Variants in C3orf70 observed in about 807,000 individuals in gnomAD.
C3orf70 encodes the protein UPF0524 protein C3orf70.
A neutral mutation model predicts 20.7 loss-of-function variants in C3orf70; 15 were observed. That is an observed-to-expected ratio of 0.72 (90% CI 0.48 to 1.11). C3orf70 has a LOEUF of 1.11. Among genes scored for constraint, C3orf70 ranks in the 50% most tolerant of loss-of-function variants. C3orf70 has a pLI of 0.00. For synonymous variants in C3orf70, 161 were observed against 125.7 expected (o/e 1.28, Z -1.88); for missense variants, 332 against 317.6 (o/e 1.05, Z -0.34).
intron 1 of C3orf70, among the ~76,000 whole-genome samples, chr3:185,127,569 A>G (rs187886462): frequency 6.6e-6 from 1 of 152,208 alleles, no homozygotes; most frequent in African/African-American, 2.4e-5. Context: ...CCTCCTAAGT[A>G]GCTGGGATTA....
chr3:185,115,998 C>A (rs2108597411), intron 1 of C3orf70, among the ~76,000 whole-genome samples: 1 of 152,266 alleles, frequency 6.6e-6, no homozygotes, highest in African/African-American at 2.4e-5. Context: ...GGTGGGGGAC[C>A]AAACATTCAG....
chr3:185,145,938 A>G (rs899103051), intron 1 of C3orf70, among the ~76,000 whole-genome samples: 2 of 152,064 alleles, frequency 1.3e-5, no homozygotes, highest in African/African-American at 2.4e-5. Flanking sequence ...AGCGTTCTCT[A>G]TCTCTGGAAG....
intron 1 of C3orf70, among the ~76,000 whole-genome samples, chr3:185,146,630 C>T (rs981870160): frequency 1.3e-5 from 2 of 152,160 alleles, no homozygotes; most frequent in African/African-American, 4.8e-5. Flanking sequence ...ACTTTTCCAA[C>T]CAAACTACCA....
chr3:185,151,475 A>G (rs1377524713), intron 1 of C3orf70, among the ~76,000 whole-genome samples: 2 of 152,230 alleles, frequency 1.3e-5, no homozygotes, highest in Non-Finnish European at 2.9e-5. Flanking sequence ...CAACAGGAAT[A>G]ATGAGAAATA....
intron 1 of C3orf70, among the ~76,000 whole-genome samples, chr3:185,105,805 A>C (rs1407873585): frequency 1.3e-5 from 2 of 152,058 alleles, no homozygotes; most frequent in Non-Finnish European, 2.9e-5. Flanking sequence ...ACACCAGAGT[A>C]CTCTTAAAGC....
intron 1 of C3orf70, among the ~76,000 whole-genome samples, chr3:185,119,512 G>C (rs1301684016): frequency 6.6e-6 from 1 of 151,696 alleles, no homozygotes; most frequent in South Asian, 2.1e-4. Context: ...TTTTAACAGA[G>C]CTTAAAGTTA....
chr3:185,117,052 A>G (rs1048871742), intron 1 of C3orf70, among the ~76,000 whole-genome samples: 1 of 152,160 alleles, frequency 6.6e-6, no homozygotes, highest in Non-Finnish European at 1.5e-5. Flanking sequence ...AAGTGCTGGG[A>G]TTACAGGCGT....
chr3:185,146,391 G>A (rs9834241), intron 1 of C3orf70, among the ~76,000 whole-genome samples: 70,697 of 148,130 alleles, frequency 0.48, 17,205 homozygotes, highest in Non-Finnish European at 0.56. Flanking sequence ...GAGTTCAAGC[G>A]ATTCTCCTGC....
chr3:185,144,331 C>T (rs534190628), intron 1 of C3orf70, among the ~76,000 whole-genome samples: 22 of 152,154 alleles, frequency 1.4e-4, no homozygotes, highest in Non-Finnish European at 3.1e-4. Flanking sequence ...CATTCAAACA[C>T]GAAGTCTGAC....
At chr3:185,089,096 A>G (rs750511864) in intron 1 of C3orf70, among the ~76,000 whole-genome samples, 34 of 152,180 alleles carry the variant, frequency 2.2e-4, no homozygotes, top group Non-Finnish European at 4.4e-4. Context: ...GATGCCCACG[A>G]AAGAACACCT....
chr3:185,138,614 T>C (rs950288627), intron 1 of C3orf70, among the ~76,000 whole-genome samples: 4 of 152,142 alleles, frequency 2.6e-5, no homozygotes, highest in Non-Finnish European at 5.9e-5. Flanking sequence ...ATCAATATAA[T>C]CTACCACATG....
Position 185,152,697 on chromosome 3 carries a change from T to G in C3orf70, c.127A>C (p.Ile43Leu). The change falls in exon 1 of 2, where the codon ATC (isoleucine) becomes CTC (leucine). Residue 43 changes from isoleucine (I) to leucine (L), a missense_variant. Ile to Leu is a conservative substitution (Grantham distance 5). Coordinates refer to ENST00000335012, the MANE Select transcript of C3orf70 (RefSeq NM_001025266.3). Reference protein sequence around the residue: ...PDFQPCDGLSICATHSHGKCF... With the variant: ...PDFQPCDGLSLCATHSHGKCF... The stretch of plus-strand genomic sequence containing the variant: ...TTGCCATGGCTGTGCGTGGCACAGA[T>G]AGACAGCCCGTCGCACGGCTGGAAG... The G allele has an allele frequency of 1.9e-6, 3 of 1,594,436 alleles. No individual in the cohort carries two copies. Among genetic ancestry groups the G allele is most frequent in the African/African-American group, 1.4e-5 (1 of 72,964 alleles).
At position 185,109,508 on chromosome 3, in the gene C3orf70, A is replaced by G. The variant is rs1011978809; in HGVS notation, c.197-25945T>C. On this transcript the variant is annotated intron_variant, in intron 1 of 1. Transcript: ENST00000335012. ...AGGAGGACCCCAACTGACACAAGCA[A>G]CACCCGTCGAACACAGCCACTCATC... Among the ~76,000 whole-genome samples the G allele has an allele frequency of 6.6e-5, 10 of 152,300 alleles. No individual in the cohort carries two copies. In the East Asian group the frequency reaches 1.9e-3, roughly 29 times the overall value.
At chr3:185,119,891 G>A (rs975633044) in intron 1 of C3orf70, among the ~76,000 whole-genome samples, 2 of 151,772 alleles carry the variant, frequency 1.3e-5, no homozygotes, top group African/African-American at 4.8e-5. Flanking sequence ...GGGCGTGGTG[G>A]TGCATGCCTG....
intron 1 of C3orf70, among the ~76,000 whole-genome samples, chr3:185,085,808 C>G (rs577245562): frequency 6.7e-6 from 1 of 149,368 alleles, no homozygotes; most frequent in Non-Finnish European, 1.5e-5. Flanking sequence ...TCCAGACCCT[C>G]CAGCCCCAGG....
At chr3:185,111,879 C>T (rs185265377) in intron 1 of C3orf70, among the ~76,000 whole-genome samples, 282 of 152,246 alleles carry the variant, frequency 1.9e-3, no homozygotes, top group African/African-American at 6.5e-3. Flanking sequence ...TATTATTTGC[C>T]TGACAAAGAA....
chr3:185,150,902 C>T (rs191583379), intron 1 of C3orf70, among the ~76,000 whole-genome samples: 1 of 152,206 alleles, frequency 6.6e-6, no homozygotes, highest in African/African-American at 2.4e-5. Flanking sequence ...AAGATGATCA[C>T]TAGCTTCATT....
chr3:185,077,701 A>G lies in C3orf70; in HGVS notation c.*5306T>C, dbSNP rs947815023. On this transcript the variant is annotated 3_prime_UTR_variant, in exon 2 of 2. Coordinates refer to ENST00000335012, the MANE Select transcript of C3orf70 (RefSeq NM_001025266.3). The stretch of plus-strand genomic sequence containing the variant: ...CCCTCGATGCCTGATCTTCAGTTAG[A>G]ACTGCAGCCAACACTGCCCCACATG... Among the ~76,000 whole-genome samples the G allele has an allele frequency of 2.0e-5, 3 of 150,450 alleles. No individual in the cohort carries two copies. The highest frequency in any genetic ancestry group is 6.6e-5 in the Admixed American group (1 of 15,048).
chr3:185,150,411 A>C (rs997108428), intron 1 of C3orf70, among the ~76,000 whole-genome samples: 1 of 152,192 alleles, frequency 6.6e-6, no homozygotes, highest in Non-Finnish European at 1.5e-5. Flanking sequence ...AGGATCTAAA[A>C]ACACACACAC....
Sources: gnomAD v4.1 joint callset for allele counts (sites outside exome capture counted in the v4.1 genomes callset) on GRCh38, gnomAD v4.1.1 for gene constraint, MANE v1.5 for transcripts, NCBI Gene and HGNC (gene_info 2026-07-23, HGNC 2026-07-21) for gene names.